Variants in NXPE2 observed in about 807,000 individuals in gnomAD.
NXPE2 encodes the protein NXPE family member 2.
NXPE2 carries 34 observed loss-of-function variants against 34.4 expected under a neutral mutation model. The ratio of observed to expected loss-of-function variants is 0.99; its 90% CI spans 0.75 to 1.31. The LOEUF (loss-of-function observed/expected upper bound fraction) is 1.31, where lower values mean the gene tolerates loss of function less well. Ranked by LOEUF, NXPE2 falls within the 40% of genes most tolerant of loss-of-function variation. The pLI, the probability that NXPE2 is intolerant of heterozygous loss-of-function variation, is 0.00. For synonymous variants in NXPE2, 235 were observed against 231.3 expected (o/e 1.02, Z -0.15); for missense variants, 649 against 672.5 (o/e 0.97, Z 0.39).
At chr11:114,500,569 A>T in the NXPE2 span, among the ~76,000 whole-genome samples, 1 of 152,096 alleles carries the variant, frequency 6.6e-6, no homozygotes, top group Non-Finnish European at 1.5e-5. Flanking sequence ...TCTGTGATTT[A>T]TCTTTTTTAC....
At chr11:114,688,360 T>C (rs967728814) in intron 2 of NXPE2, among the ~76,000 whole-genome samples, 1 of 152,146 alleles carries the variant, frequency 6.6e-6, no homozygotes, top group Non-Finnish European at 1.5e-5. Flanking sequence ...GTTTTTGTTT[T>C]TAATTCTGTT....
At chr11:114,757,190 T>C in the NXPE2 span, among the ~76,000 whole-genome samples, 1 of 152,180 alleles carries the variant, frequency 6.6e-6, no homozygotes, top group South Asian at 2.1e-4. Flanking sequence ...CCTCATAACA[T>C]ACAGGAAGCA....
the NXPE2 span, among the ~76,000 whole-genome samples, chr11:114,748,825 T>C: frequency 1.3e-5 from 2 of 152,240 alleles, no homozygotes; most frequent in African/African-American, 2.4e-5. Context: ...GAACTACATA[T>C]ATATCCATTA....
chr11:114,530,847 A>G, the NXPE2 span: 1 of 1,614,102 alleles, frequency 6.2e-7, no homozygotes, highest in Non-Finnish European at 8.5e-7. Flanking sequence ...TTTAGGGAAT[A>G]AGGACTTTGC....
At chr11:114,809,780 G>A in the NXPE2 span, among the ~76,000 whole-genome samples, 98 of 94,600 alleles carry the variant, frequency 1.0e-3, 1 homozygote, top group Middle Eastern at 4.5e-3. Flanking sequence ...GTAATTTATA[G>A]ACTCAATGCC....
intron 2 of NXPE2, among the ~76,000 whole-genome samples, chr11:114,695,721 A>G (rs901820105): frequency 7.2e-5 from 11 of 152,146 alleles, no homozygotes; most frequent in African/African-American, 1.7e-4. Flanking sequence ...GGCCGGGCAC[A>G]GTGGCTAACG....
the NXPE2 span, chr11:114,571,286 A>G: frequency 6.2e-7 from 1 of 1,614,030 alleles, no homozygotes; most frequent in African/African-American, 1.3e-5. Context: ...TAACAATGAC[A>G]GTATTTTTTT....
the NXPE2 span, among the ~76,000 whole-genome samples, chr11:114,662,229 G>GGA: frequency 6.6e-6 from 1 of 151,472 alleles, no homozygotes; most frequent in African/African-American, 2.4e-5. Flanking sequence ...TGTGCACTGG[G>GGA]GAGAGAGAGA....
At chr11:114,773,200 C>G in the NXPE2 span, among the ~76,000 whole-genome samples, 2 of 151,832 alleles carry the variant, frequency 1.3e-5, no homozygotes, top group African/African-American at 4.8e-5. Context: ...TGTTCTCATC[C>G]TAGGCTCCTT....
At chr11:114,530,962 T>C in the NXPE2 span, 1 of 1,478,282 alleles carries the variant, frequency 6.8e-7, no homozygotes, top group Admixed American at 2.3e-5. Context: ...TAATCATTTT[T>C]ACTTATTATG....
the NXPE2 span, among the ~76,000 whole-genome samples, chr11:114,716,637 C>G: frequency 8.5e-5 from 13 of 152,108 alleles, no homozygotes; most frequent in Non-Finnish European, 1.6e-4. Context: ...GCAGAGAAAG[C>G]TCCGTGATGC....
At chr11:114,757,665 T>C in the NXPE2 span, among the ~76,000 whole-genome samples, 6 of 152,224 alleles carry the variant, frequency 3.9e-5, no homozygotes, top group African/African-American at 1.4e-4. Flanking sequence ...AGGAGAAATA[T>C]GCAGAAAAGA....
the NXPE2 span, among the ~76,000 whole-genome samples, chr11:114,719,497 C>G: frequency 6.6e-6 from 1 of 152,142 alleles, no homozygotes; most frequent in Non-Finnish European, 1.5e-5. Context: ...TTCACATTGT[C>G]CTTGGTGGAC....
chr11:114,812,843 C>T, the NXPE2 span, among the ~76,000 whole-genome samples: 5 of 152,270 alleles, frequency 3.3e-5, no homozygotes, highest in South Asian at 1.0e-3. Context: ...AATAGATGCA[C>T]TTTGAAGCCT....
intron 3 of NXPE2, among the ~76,000 whole-genome samples, chr11:114,702,874 A>G (rs1311191345): frequency 1.3e-5 from 2 of 152,114 alleles, no homozygotes; most frequent in Admixed American, 1.3e-4. Flanking sequence ...TCATTTCCTG[A>G]GATTCAGGCA....
Position 114,706,926 on chromosome 11 carries a change from G to C in NXPE2, c.1676G>C (p.Cys559Ser). 1 of 1,540,034 alleles carries C rather than the reference G, an allele frequency of 6.5e-7. No homozygotes were observed. Among genetic ancestry groups the C allele is most frequent in the Non-Finnish European group, 8.8e-7 (1 of 1,139,346 alleles). ...NQIGMFLNYIC is the reference protein window; with the variant it reads ...NQIGMFLNYIS ...ATTGGCATGTTCTTAAACTACATTT[G>C]TTAGAGGAAAAATACAAAAATAGCA... Residue 559 changes from cysteine (C) to serine (S), a missense_variant, in exon 6 of 6, where the codon TGT (cysteine) becomes TCT (serine). By Grantham distance (112) the Cys-to-Ser change is moderately radical (BLOSUM62 -1). Coordinates refer to ENST00000389586, the MANE Select transcript of NXPE2 (RefSeq NM_182495.6).
At chr11:114,540,267 T>C in the NXPE2 span, among the ~76,000 whole-genome samples, 1 of 152,188 alleles carries the variant, frequency 6.6e-6, no homozygotes, top group Admixed American at 6.5e-5. Flanking sequence ...ATAAATCCAA[T>C]TTGTTTAGGA....
chr11:114,781,841 T>G, the NXPE2 span, among the ~76,000 whole-genome samples: 4 of 152,158 alleles, frequency 2.6e-5, no homozygotes, highest in African/African-American at 9.7e-5. Context: ...GCAGGATGGA[T>G]GACAGTAGAC....
At chr11:114,552,245 G>A in the NXPE2 span, among the ~76,000 whole-genome samples, 37,620 of 151,980 alleles carry the variant, frequency 0.25, 4,893 homozygotes, top group East Asian at 0.43. Flanking sequence ...CCCAATTACT[G>A]AAGCGTGGTG....
Sources: gnomAD v4.1 joint callset for allele counts (sites outside exome capture counted in the v4.1 genomes callset) on GRCh38, gnomAD v4.1.1 for gene constraint, MANE v1.5 for transcripts, NCBI Gene and HGNC (gene_info 2026-07-23, HGNC 2026-07-21) for gene names.